TMEM132C: variants seen among roughly 807,000 people sequenced by gnomAD.
TMEM132C encodes the protein protein phosphatase 1, regulatory subunit 152.
In TMEM132C, 29 loss-of-function variants were observed where a neutral mutation model predicts 61.4. The ratio of observed to expected loss-of-function variants is 0.47; its 90% CI spans 0.35 to 0.64. The LOEUF (loss-of-function observed/expected upper bound fraction) is 0.64. TMEM132C is among the 30% of genes least tolerant of loss of function. The pLI, the probability that TMEM132C is intolerant of heterozygous loss-of-function variation, is 0.00. For missense variants in TMEM132C, 1,408 were observed against 1,476.9 expected, an observed-to-expected ratio of 0.95 and a Z score of 0.76; for synonymous variants, 656 against 633.1, an observed-to-expected ratio of 1.04 and a Z score of -0.54.
chr12:128,324,442 T>C (rs1050649345), intron 1 of TMEM132C, among the ~76,000 whole-genome samples: 1 of 152,216 alleles, frequency 6.6e-6, no homozygotes, highest in East Asian at 1.9e-4. Flanking sequence ...CATGAGTGCA[T>C]GTGTGTGGGT....
intron 2 of TMEM132C, among the ~76,000 whole-genome samples, chr12:128,511,066 G>A (rs1383153316): frequency 6.6e-6 from 1 of 152,234 alleles, no homozygotes; most frequent in Non-Finnish European, 1.5e-5. Flanking sequence ...ACCATGGAAA[G>A]AGCAGGCATG....
Position 128,642,152 on chromosome 12 carries a change from A to C in TMEM132C, c.1305+25817A>C, listed in dbSNP as rs146003929. ...GTTTTGTTTTATTTTGTTTTATTGG[A>C]GATAGAGTCTCACTCTGTCACCATG... On this transcript the variant is annotated intron_variant, in intron 4 of 8. Coordinates refer to ENST00000435159, the MANE Select transcript of TMEM132C (RefSeq NM_001136103.3). Among the ~76,000 whole-genome samples the C allele has an allele frequency of 6.7e-4, 100 of 149,776 alleles. No individual in the cohort carries two copies. In the East Asian group the frequency reaches 0.017, roughly 25 times the overall value.
intron 1 of TMEM132C, among the ~76,000 whole-genome samples, chr12:128,270,255 G>A (rs1476946969): frequency 6.6e-6 from 1 of 152,162 alleles, no homozygotes. Context: ...TGTATTTCAA[G>A]ATTTAGAATT....
chr12:128,388,831 C>T (rs868009343), intron 1 of TMEM132C, among the ~76,000 whole-genome samples: 20 of 152,238 alleles, frequency 1.3e-4, no homozygotes, highest in African/African-American at 3.6e-4. Context: ...GATGCAATAA[C>T]GGGGAGGATC....
intron 4 of TMEM132C, among the ~76,000 whole-genome samples, chr12:128,628,656 A>G (rs995489943): frequency 6.6e-6 from 1 of 152,222 alleles, no homozygotes; most frequent in African/African-American, 2.4e-5. Context: ...AATGCCTGGC[A>G]CACAGTAGGC....
intron 1 of TMEM132C, among the ~76,000 whole-genome samples, chr12:128,389,035 C>G (rs1874681530): frequency 6.6e-6 from 1 of 152,102 alleles, no homozygotes; most frequent in Non-Finnish European, 1.5e-5. Context: ...AAGAGTCCCC[C>G]TGGGAGAGAC....
intron 2 of TMEM132C, among the ~76,000 whole-genome samples, chr12:128,511,105 C>T (rs1474006116): frequency 6.6e-6 from 1 of 152,056 alleles, no homozygotes; most frequent in African/African-American, 2.4e-5. Flanking sequence ...TTGGGTGGGC[C>T]CAGGGATTTC....
intron 3 of TMEM132C, among the ~76,000 whole-genome samples, chr12:128,611,378 T>C (rs974566204): frequency 6.6e-6 from 1 of 152,230 alleles, no homozygotes; most frequent in African/African-American, 2.4e-5. Flanking sequence ...TCTTCTTTTC[T>C]CTTTCATTAT....
intron 3 of TMEM132C, among the ~76,000 whole-genome samples, chr12:128,573,008 T>C (rs61938630): frequency 6.4e-4 from 98 of 152,372 alleles, no homozygotes; most frequent in Non-Finnish European, 1.1e-3. Context: ...TTGGTGGGAC[T>C]GTAAACTAGT....
chr12:128,675,856 GATAGATAGATAGATAGATAGATAGATAA>G (rs1321181050), intron 5 of TMEM132C, among the ~76,000 whole-genome samples: 33 of 137,978 alleles, frequency 2.4e-4, no homozygotes, highest in African/African-American at 6.9e-4. Context: ...TAGATAGATA[GATAGATAGATAGATAGATAGATAGATAA>G]ATAGATAGAT....
intron 2 of TMEM132C, among the ~76,000 whole-genome samples, chr12:128,479,107 T>C (rs924309023): frequency 6.6e-6 from 1 of 152,070 alleles, no homozygotes; most frequent in African/African-American, 2.4e-5. Context: ...AGCAAACTAG[T>C]GCAGGAACAG....
chr12:128,697,138 T>G, intron 7 of TMEM132C, 86 bp from the exon 8 acceptor site: 1 of 1,262,436 alleles, frequency 7.9e-7, no homozygotes, highest in Non-Finnish European at 1.1e-6. Flanking sequence ...TCAGGCCTGT[T>G]GGGATGGAAG....
intron 3 of TMEM132C, among the ~76,000 whole-genome samples, chr12:128,582,408 A>T (rs369361503): frequency 4.3e-5 from 6 of 138,864 alleles, no homozygotes; most frequent in African/African-American, 1.6e-4. Context: ...ATTGATATAG[A>T]TGCTGCTTTT....
intron 5 of TMEM132C, among the ~76,000 whole-genome samples, chr12:128,679,678 G>A (rs574800987): frequency 9.9e-5 from 15 of 152,220 alleles, no homozygotes; most frequent in African/African-American, 3.4e-4. Context: ...TTCTCTTCAC[G>A]GATATTTATT....
intron 4 of TMEM132C, among the ~76,000 whole-genome samples, chr12:128,650,362 G>A (rs1405677859): frequency 6.6e-6 from 1 of 152,066 alleles, no homozygotes; most frequent in Admixed American, 6.5e-5. Context: ...CCTCATGTAA[G>A]AGTCTCATTA....
chr12:128,593,990 C>A (rs1211003992), intron 3 of TMEM132C, among the ~76,000 whole-genome samples: 1 of 152,124 alleles, frequency 6.6e-6, no homozygotes, highest in African/African-American at 2.4e-5. Context: ...GGGGCTCCTT[C>A]TGTACCCCAA....
chr12:128,267,891 C>T (rs994728551), intron 1 of TMEM132C, among the ~76,000 whole-genome samples: 3 of 152,228 alleles, frequency 2.0e-5, no homozygotes, highest in South Asian at 2.1e-4. Flanking sequence ...GCTCCTTCCT[C>T]CCGGCTGTGT....
chr12:128,326,408 T>C lies in TMEM132C; in HGVS notation c.85+58921T>C, dbSNP rs183356278. Among the ~76,000 whole-genome samples the C allele has an allele frequency of 1.6e-3, 242 of 152,072 alleles. 1 individual carries two copies. The highest frequency in any genetic ancestry group is 2.5e-3 in the Non-Finnish European group (171 of 68,034). ...AGAAAATTATAAAGATGAATACTTC[T>C]GAGCCTTTGGCTGACGCTTATCCCC... On this transcript the variant is annotated intron_variant, in intron 1 of 8. Transcript: ENST00000435159. The surrounding 1 kb of genome is among the most constrained non-coding windows in gnomAD (Gnocchi z 5.6).
chr12:128,445,225 T>C (rs1869937336), intron 2 of TMEM132C, among the ~76,000 whole-genome samples: 1 of 151,700 alleles, frequency 6.6e-6, no homozygotes, highest in Non-Finnish European at 1.5e-5. Flanking sequence ...CTTTTTTCCC[T>C]CCAGATTGCT....
Sources: allele counts gnomAD v4.1 joint callset (sites outside exome capture counted in the v4.1 genomes callset), GRCh38; gene constraint gnomAD v4.1.1; non-coding constraint Gnocchi (gnomAD v3.1); transcripts MANE v1.5; gene names NCBI Gene and HGNC (gene_info 2026-07-23, HGNC 2026-07-21).